PCDHA12: variants seen among roughly 807,000 people sequenced by gnomAD.
PCDHA12 encodes the protein protocadherin alpha-12.
In PCDHA12, 44 loss-of-function variants were observed where a neutral mutation model predicts 60.0. That is an observed-to-expected ratio of 0.73 (90% CI 0.58 to 0.94). The LOEUF (loss-of-function observed/expected upper bound fraction) is 0.94, where lower values mean the gene tolerates loss of function less well. Among genes scored for constraint, PCDHA12 ranks in the 40% least tolerant of loss-of-function variants. The pLI is 0.00. For synonymous variants in PCDHA12, 569 were observed against 553.0 expected (o/e 1.03, Z -0.40); for missense variants, 1,276 against 1,239.7 (o/e 1.03, Z -0.44).
intron 1 of PCDHA12, among the ~76,000 whole-genome samples, chr5:140,977,973 A>G (rs1336063493): frequency 4.6e-5 from 7 of 152,178 alleles, no homozygotes; most frequent in Admixed American, 3.9e-4. Flanking sequence ...TCCGCCCATG[A>G]AAACGCATCT....
chr5:140,896,242 C>T (rs1228427310), intron 1 of PCDHA12, among the ~76,000 whole-genome samples: 2 of 152,154 alleles, frequency 1.3e-5, no homozygotes, highest in Non-Finnish European at 2.9e-5. Flanking sequence ...GACTTATATT[C>T]CTTTGGTTAT....
intron 1 of PCDHA12, among the ~76,000 whole-genome samples, chr5:140,891,998 A>C (rs1336951985): frequency 2.6e-5 from 4 of 152,200 alleles, no homozygotes; most frequent in Non-Finnish European, 5.9e-5. Flanking sequence ...AGTCTGTGGC[A>C]TTCTGTTATA....
At position 140,967,010 on chromosome 5, in the gene PCDHA12, C is replaced by T. The variant is rs781936791; in HGVS notation, c.2368-11939C>T. 7 of 1,606,340 alleles carry T rather than the reference C, an allele frequency of 4.4e-6. No individual in the cohort carries two copies. In the South Asian group the frequency reaches 6.6e-5, roughly 15 times the overall value. On this transcript the variant is annotated intron_variant, in intron 1 of 3. Coordinates refer to ENST00000398631, the MANE Select transcript of PCDHA12 (RefSeq NM_018903.4). ...GCCGGGTTGCTTGCGCATCAACCAT[C>T]TGGGTGCGCCCAGTCCGCGCTACCT...
At position 140,998,856 on chromosome 5, in the gene PCDHA12, C is replaced by T. The variant is rs77103467; in HGVS notation, c.2516-10771C>T. 2.6e-3 allele frequency among the ~76,000 whole-genome samples: 397 copies of T among 152,354 alleles called. 2 individuals carry two copies. Among genetic ancestry groups the T allele is most frequent in the African/African-American group, 9.1e-3 (380 of 41,584 alleles). ...TGGATTACTGGTGTGAGCCACATGC[C>T]TGGCCTTGTAAATAATAAGTTTAGT... On this transcript the variant is annotated intron_variant, in intron 3 of 3. Coordinates refer to ENST00000398631, the MANE Select transcript of PCDHA12 (RefSeq NM_018903.4).
intron 1 of PCDHA12, among the ~76,000 whole-genome samples, chr5:140,887,536 C>G (rs2153420652): frequency 6.6e-6 from 1 of 152,238 alleles, no homozygotes; most frequent in African/African-American, 2.4e-5. Context: ...CTTCCTCTCC[C>G]CACCCCTCAT....
chr5:140,952,658 C>T (rs2094779074), intron 1 of PCDHA12, among the ~76,000 whole-genome samples: 1 of 152,196 alleles, frequency 6.6e-6, no homozygotes. Flanking sequence ...TACCCAGTTC[C>T]AAAGTCACTT....
chr5:140,915,626 GTCTCTCTCTCTC>G (rs57920489), intron 1 of PCDHA12, among the ~76,000 whole-genome samples: 39 of 146,434 alleles, frequency 2.7e-4, no homozygotes, highest in African/African-American at 9.6e-4. Context: ...GTCTCTTTCT[GTCTCTCTCTCTC>G]TCTCTCTCTC....
At chr5:140,993,616 C>A (rs1554253872) in intron 3 of PCDHA12, among the ~76,000 whole-genome samples, 2 of 151,688 alleles carry the variant, frequency 1.3e-5, no homozygotes, top group Admixed American at 6.6e-5. Context: ...TTGTTGGGAC[C>A]CTCTATATAT....
intron 3 of PCDHA12, among the ~76,000 whole-genome samples, chr5:140,985,608 G>T (rs76669319): frequency 6.6e-6 from 1 of 152,052 alleles, no homozygotes; most frequent in Non-Finnish European, 1.5e-5. Context: ...AGCCCTTTCC[G>T]TGAACCAGCT....
At chr5:140,915,650 C>G (rs1554197017) in intron 1 of PCDHA12, among the ~76,000 whole-genome samples, 1 of 151,636 alleles carries the variant, frequency 6.6e-6, no homozygotes, top group Non-Finnish European at 1.5e-5. Flanking sequence ...CTCTCTCTCT[C>G]TCTCTCAAGG....
chr5:140,982,696 A>G lies in PCDHA12; in HGVS notation c.2515+133A>G. ...GTTATTCCCTTTTTTCCATACATAC[A>G]TGATTTCCTTACATATATGATTATT... On this transcript the variant is annotated intron_variant, in intron 3 of 3. Transcript: ENST00000398631. 2.9e-6 allele frequency: 4 copies of G among 1,397,036 alleles called. No individual in the cohort carries two copies. The East Asian group carries it at 7.6e-5, about 27-fold the overall frequency. 86.5% of individuals were successfully genotyped at this position (1,397,036 alleles called of 1,614,324 possible). A position where few individuals can be genotyped will look rare whatever the true frequency, so the allele number is the denominator to read the frequency against.
At chr5:140,975,439 T>C (rs1376325988) in intron 1 of PCDHA12, among the ~76,000 whole-genome samples, 2 of 152,222 alleles carry the variant, frequency 1.3e-5, no homozygotes, top group Non-Finnish European at 2.9e-5. Context: ...CACCAGGATA[T>C]AGGGATCTTG....
At chr5:140,914,646 C>A (rs2076792238) in intron 1 of PCDHA12, among the ~76,000 whole-genome samples, 1 of 152,018 alleles carries the variant, frequency 6.6e-6, no homozygotes, top group Admixed American at 6.5e-5. Context: ...ATGGTCATCT[C>A]TCCCTTCTTT....
rs79304807 is a variant in PCDHA12 at position 140,914,832 on chromosome 5, A to G, written c.2367+36993A>G. ...ACTTAACAGACTGCATAAACAAAAA[A>G]CAAACACACAAAAGGAAGACTAATA... On this transcript the variant is annotated intron_variant, in intron 1 of 3. Transcript: ENST00000398631. 8.0e-3 allele frequency among the ~76,000 whole-genome samples: 1,220 copies of G among 152,292 alleles called. 6 individuals carry two copies. Among genetic ancestry groups the G allele is most frequent in the African/African-American group, 0.019 (787 of 41,574 alleles).
intron 1 of PCDHA12, chr5:140,928,482 TG>T (rs782531828): frequency 6.2e-7 from 1 of 1,614,024 alleles, no homozygotes; most frequent in African/African-American, 1.3e-5. Context: ...GCCGGGATGG[TG>T]GCATTCCTCC....
In PCDHA12 at chr5:140,876,117, C is replaced by T; in HGVS notation, c.645C>T (p.Ile215=). 6.2e-7 allele frequency: 1 copy of T among 1,613,922 alleles called. No homozygotes were observed. Among genetic ancestry groups the T allele is most frequent in the Non-Finnish European group, 8.5e-7 (1 of 1,179,898 alleles). The part of the protein sequence containing the change: ...TPKLNLLLMV[I]DGGKPELTGS... ...AACTCAATTTATTGCTGATGGTAAT[C>T]GATGGCGGTAAACCAGAACTAACAG... Residue 215 remains isoleucine (I), a synonymous_variant, in exon 1 of 4, where the codon ATC becomes ATT. Transcript: ENST00000398631.
chr5:140,973,148 T>G (rs2096574239), intron 1 of PCDHA12, among the ~76,000 whole-genome samples: 1 of 152,210 alleles, frequency 6.6e-6, no homozygotes, highest in Non-Finnish European at 1.5e-5. Context: ...TTCACTTATT[T>G]TAAAGCAATT....
intron 1 of PCDHA12, chr5:140,927,197 A>G: frequency 6.2e-7 from 1 of 1,614,150 alleles, no homozygotes; most frequent in African/African-American, 1.3e-5. Flanking sequence ...CTGGTGCTCG[A>G]GGACCCGCTG....
intron 1 of PCDHA12, among the ~76,000 whole-genome samples, chr5:140,890,446 T>A (rs1554184296): frequency 6.6e-6 from 1 of 152,228 alleles, no homozygotes; most frequent in Non-Finnish European, 1.5e-5. Context: ...CCTAGTGATA[T>A]CTTTAGGCAC....
Sources: gnomAD v4.1 joint callset for allele counts (sites outside exome capture counted in the v4.1 genomes callset) on GRCh38, gnomAD v4.1.1 for gene constraint, MANE v1.5 for transcripts, NCBI Gene and HGNC (gene_info 2026-07-23, HGNC 2026-07-21) for gene names.